YIF1A: variants seen among roughly 807,000 people sequenced by gnomAD.
YIF1A encodes the protein protein YIF1A.
YIF1A carries 28 observed loss-of-function variants against 32.6 expected under a neutral mutation model. The observed-to-expected ratio is 0.86, with a 90% CI of 0.64 to 1.18. The LOEUF is 1.18. Ranked by LOEUF, YIF1A falls within the 50% of genes most tolerant of loss-of-function variation. YIF1A has a pLI of 0.00. For missense variants in YIF1A, 373 were observed against 390.8 expected (o/e 0.95, Z 0.38); for synonymous variants, 175 against 162.2 (o/e 1.08, Z -0.60).
intron 4 of YIF1A, among the ~76,000 whole-genome samples, chr11:66,286,403 G>A (rs1399566097): frequency 6.6e-6 from 1 of 152,216 alleles, no homozygotes. Context: ...GCTCACTTGA[G>A]CCCAGGAGTT....
rs578055962 is a variant in YIF1A at position 66,288,010 on chromosome 11, C to A, written c.243+71G>T. On this transcript the variant is annotated intron_variant, in intron 2 of 7. Transcript: ENST00000376901. ...CATCCCTGAGGGCACTGTGAGGAAT[C>A]GGGTGGAATCCCATGATGCCCCAGC... 2.2e-5 allele frequency: 36 copies of A among 1,606,938 alleles called. No homozygotes were observed. The South Asian group carries it at 4.0e-4, about 18-fold the overall frequency.
chr11:66,288,403 G>A, intron 1 of YIF1A, 111 bp from the exon 2 acceptor site: 1 of 1,301,812 alleles, frequency 7.7e-7, no homozygotes, highest in Non-Finnish European at 1.1e-6. Context: ...GCACCGATCA[G>A]TGAGGGGACC....
At chr11:66,285,579 C>T in intron 5 of YIF1A, 43 bp from the exon 6 acceptor site, 1 of 1,612,048 alleles carries the variant, frequency 6.2e-7, no homozygotes, top group Non-Finnish European at 8.5e-7. Flanking sequence ...CATCCTGAGG[C>T]AGGGGTGAGG....
chr11:66,285,998 G>A (rs1029661298), intron 4 of YIF1A, among the ~76,000 whole-genome samples: 1 of 152,256 alleles, frequency 6.6e-6, no homozygotes, highest in African/African-American at 2.4e-5. Flanking sequence ...TCCTGTCCCT[G>A]TGCTGGGAAG....
Position 66,287,516 on chromosome 11 carries a change from C to T in YIF1A, c.427+82G>A, listed in dbSNP as rs2134889239. ...ACAGATGCTGACTCAGTAGCTGCGC[C>T]TCTCTTCCCATTCATCCCTCAAGGC... On this transcript the variant is annotated intron_variant, in intron 4 of 7. Coordinates refer to ENST00000376901, the MANE Select transcript of YIF1A (RefSeq NM_020470.3). 3 of 1,451,502 alleles carry T rather than the reference C, an allele frequency of 2.1e-6. No homozygotes were observed. In the East Asian group the frequency reaches 7.4e-5, roughly 36 times the overall value. The allele number at this position is 1,451,502 out of a possible 1,614,324, so 89.9% of individuals were successfully genotyped here.
At chr11:66,287,237 G>A (rs1451852536) in intron 4 of YIF1A, 1 of 263,378 alleles carries the variant, frequency 3.8e-6, no homozygotes, top group Admixed American at 4.5e-5. Flanking sequence ...GTCCTTTGGG[G>A]TAGGGACTAC....
In YIF1A at chr11:66,285,549, AG is replaced by A; in HGVS notation, c.486-14del. 1 of 1,612,864 alleles carries A rather than the reference AG, an allele frequency of 6.2e-7. No homozygotes were observed. Among genetic ancestry groups the A allele is most frequent in the South Asian group, 1.1e-5 (1 of 91,078 alleles). The stretch of plus-strand genomic sequence containing the variant: ...CTCCGGGGAGAACCTGCGCCAAAGC[AG>A]GGGTGGCTCAGAGCCAGGCATCCTG... On this transcript the variant is annotated splice_polypyrimidine_tract_variant and intron_variant, in intron 5 of 7. Transcript: ENST00000376901.
chr11:66,288,359 T>C, intron 1 of YIF1A, 67 bp from the exon 2 acceptor site: 5 of 1,595,246 alleles, frequency 3.1e-6, no homozygotes, highest in Non-Finnish European at 4.3e-6. Context: ...CACCGCCCCT[T>C]CCCTGGCTGG....
At position 66,284,951 on chromosome 11, in the gene YIF1A, C is replaced by T. The variant is rs1565186967; in HGVS notation, c.657G>A (p.Val219=). 3.7e-6 allele frequency: 6 copies of T among 1,613,278 alleles called. No homozygotes were observed. The highest frequency in any genetic ancestry group is 2.2e-5 in the East Asian group (1 of 44,884). ...CGCTGCCGAACAGCAGCCCCGTGAGCACACTGAGGATCATTCTGGGGGTGG... is the reference window on the plus strand; with the variant it reads ...CGCTGCCGAACAGCAGCCCCGTGAGTACACTGAGGATCATTCTGGGGGTGG... ...GYKYVGMILS[V]LTGLLFGSDG... is the part of the protein sequence containing the mutation. Residue 219 remains valine (V), a synonymous_variant, in exon 7 of 8, where the codon GTG becomes GTA. Transcript: ENST00000376901.
Position 66,289,127 on chromosome 11 carries a change from A to AC in YIF1A, c.-143dup. ...GTCCCCCACCCCGCCGGTCTCGGCC[A>AC]CCATGTCCGTGGCGTCATCCCCCGC... On this transcript the variant is annotated 5_prime_UTR_variant, in exon 1 of 8. An upstream open reading frame in the 5' UTR loses its in-frame stop. Transcript: ENST00000376901. 1 of 1,270,352 alleles carries AC rather than the reference A, an allele frequency of 7.9e-7. No homozygotes were observed. Among genetic ancestry groups the AC allele is most frequent in the Admixed American group, 3.6e-5 (1 of 27,624 alleles). The allele number at this position is 1,270,352 out of a possible 1,614,324, so 78.7% of individuals were successfully genotyped here.
Position 66,289,097 on chromosome 11 carries a change from G to C in YIF1A, c.-112C>G. ...ACCGACCGAGGCCACCCGGCCGCGCGACACGTCCCCCACCCCGCCGGTCTC... is the reference window on the plus strand; with the variant it reads ...ACCGACCGAGGCCACCCGGCCGCGCCACACGTCCCCCACCCCGCCGGTCTC... On this transcript the variant is annotated 5_prime_UTR_variant, in exon 1 of 8. Coordinates refer to ENST00000376901, the MANE Select transcript of YIF1A (RefSeq NM_020470.3). The C allele has an allele frequency of 7.2e-7, 1 of 1,393,278 alleles. No homozygotes were observed. Among genetic ancestry groups the C allele is most frequent in the Admixed American group, 2.8e-5 (1 of 35,996 alleles). The allele number at this position is 1,393,278 out of a possible 1,614,324, so 86.3% of individuals were successfully genotyped here.
Position 66,284,708 on chromosome 11 carries a change from AGAGCTG to A in YIF1A, c.805_810del (p.Gln269_Leu270del). 1 of 1,612,680 alleles carries A rather than the reference AGAGCTG, an allele frequency of 6.2e-7. No homozygotes were observed. The highest frequency in any genetic ancestry group is 2.2e-5 in the East Asian group (1 of 44,884). ...AAGGCTGCAGCTCCCAGAGTCAGGTAGAGCTGGAGACGCTGCCGGGGGACGGGGCCC... is the reference window on the plus strand; with the variant it reads ...AAGGCTGCAGCTCCCAGAGTCAGGTAGAGACGCTGCCGGGGGACGGGGCCC... On this transcript the variant is annotated inframe_deletion, in exon 8 of 8. Coordinates refer to ENST00000376901, the MANE Select transcript of YIF1A (RefSeq NM_020470.3).
In YIF1A at chr11:66,289,060, C is replaced by T; in HGVS notation, c.-75G>A. On this transcript the variant is annotated 5_prime_UTR_variant, in exon 1 of 8. Coordinates refer to ENST00000376901, the MANE Select transcript of YIF1A (RefSeq NM_020470.3). ...ACGAATACTAATGAGGCAGCTGCTCCGCGCCCAGGGTACCGACCGAGGCCA... is the reference window on the plus strand; with the variant it reads ...ACGAATACTAATGAGGCAGCTGCTCTGCGCCCAGGGTACCGACCGAGGCCA... The T allele has an allele frequency of 6.6e-7, 1 of 1,506,948 alleles. No homozygotes were observed. Among genetic ancestry groups the T allele is most frequent in the Non-Finnish European group, 8.8e-7 (1 of 1,135,008 alleles). The allele number at this position is 1,506,948 out of a possible 1,614,324, so 93.3% of individuals were successfully genotyped here.
chr11:66,287,689 G>A lies in YIF1A; in HGVS notation c.349-13C>T, dbSNP rs375348848. 1.3e-5 allele frequency: 21 copies of A among 1,611,814 alleles called. No homozygotes were observed. Among genetic ancestry groups the A allele is most frequent in the Non-Finnish European group, 1.8e-5 (21 of 1,178,866 alleles). ...GCACTTCCCAGTTCTGGCAGTGGCA[G>A]TGGCAGCAGCGGCCACATCAGGAGG... On this transcript the variant is annotated splice_polypyrimidine_tract_variant and intron_variant, in intron 3 of 7. Coordinates refer to ENST00000376901, the MANE Select transcript of YIF1A (RefSeq NM_020470.3).
At position 66,289,083 on chromosome 11, in the gene YIF1A, C is replaced by A; in HGVS notation, c.-98G>T. The A allele has an allele frequency of 7.0e-7, 1 of 1,437,308 alleles. No individual in the cohort carries two copies. Among genetic ancestry groups the A allele is most frequent in the South Asian group, 1.4e-5 (1 of 73,342 alleles). The allele number at this position is 1,437,308 out of a possible 1,614,324, so 89.0% of individuals were successfully genotyped here. On this transcript the variant is annotated 5_prime_UTR_variant, in exon 1 of 8. Transcript: ENST00000376901. ...TCCGCGCCCAGGGTACCGACCGAGG[C>A]CACCCGGCCGCGCGACACGTCCCCC...
chr11:66,287,500 G>T, intron 4 of YIF1A, 98 bp downstream of exon 4: 1 of 1,356,338 alleles, frequency 7.4e-7, no homozygotes, highest in Non-Finnish European at 1.0e-6. Flanking sequence ...AACAGATGCT[G>T]ACTCAGTAGC....
At position 66,284,632 on chromosome 11, in the gene YIF1A, G is replaced by A. The variant is rs746690067; in HGVS notation, c.*5C>T. 2.5e-6 allele frequency: 4 copies of A among 1,612,454 alleles called. No homozygotes were observed. Among genetic ancestry groups the A allele is most frequent in the Admixed American group, 1.7e-5 (1 of 59,962 alleles). ...AAAAACTCAGTGCCATCTGGGGCCA[G>A]GGGGTCACCGGACCAGGTGGAAAGT... is the stretch of plus-strand genomic sequence containing the variant. On this transcript the variant is annotated 3_prime_UTR_variant, in exon 8 of 8. Coordinates refer to ENST00000376901, the MANE Select transcript of YIF1A (RefSeq NM_020470.3).
At chr11:66,286,026 G>C (rs1422670328) in intron 4 of YIF1A, among the ~76,000 whole-genome samples, 2 of 152,228 alleles carry the variant, frequency 1.3e-5, no homozygotes, top group Non-Finnish European at 2.9e-5. Context: ...GTGTTCTGCT[G>C]CATCTCAGAA....
At chr11:66,287,700 G>T (rs747997973) in intron 3 of YIF1A, 24 bp from the exon 4 acceptor site, 13 of 1,611,142 alleles carry the variant, frequency 8.1e-6, no homozygotes, top group Non-Finnish European at 9.3e-6. Context: ...TGGCAGCAGC[G>T]GCCACATCAG....
Sources: allele counts gnomAD v4.1 joint callset (sites outside exome capture counted in the v4.1 genomes callset), GRCh38; gene constraint gnomAD v4.1.1; transcripts MANE v1.5; gene names NCBI Gene and HGNC (gene_info 2026-07-23, HGNC 2026-07-21).